Variants in TAFA1 observed in about 807,000 individuals in gnomAD.
TAFA1 encodes the protein TAFA chemokine like family member 1.
A neutral mutation model predicts 18.5 loss-of-function variants in TAFA1; 4 were observed. That is an observed-to-expected ratio of 0.22 (90% CI 0.11 to 0.49). The LOEUF (loss-of-function observed/expected upper bound fraction) is 0.49. Ranked by LOEUF, TAFA1 falls within the 20% of genes least tolerant of loss-of-function variation. The probability of loss-of-function intolerance (pLI) is 0.98; values close to 1 mark genes in which losing one functional copy is unlikely to be tolerated. For missense variants in TAFA1, 147 were observed against 169.0 expected (o/e 0.87, Z 0.72); for synonymous variants, 56 against 55.2 (o/e 1.01, Z -0.06).
chr3:68,370,470 G>GTGTGTATATATATATATATATA (rs2069675443), intron 2 of TAFA1, among the ~76,000 whole-genome samples: 1 of 31,172 alleles, frequency 3.2e-5, no homozygotes, highest in Non-Finnish European at 6.2e-5. Context: ...GTGTGTGTGT[G>GTGTGTATATATATATATATATA]TGTATATATA....
chr3:68,224,855 C>A (rs1040139505), intron 2 of TAFA1, among the ~76,000 whole-genome samples: 2 of 150,506 alleles, frequency 1.3e-5, no homozygotes, highest in African/African-American at 2.4e-5. Context: ...GTGATTGCCT[C>A]CCTTGCTGTT....
intron 3 of TAFA1, among the ~76,000 whole-genome samples, chr3:68,460,771 G>A (rs1575887735): frequency 6.6e-6 from 1 of 152,308 alleles, no homozygotes; most frequent in South Asian, 2.1e-4. Flanking sequence ...CCTGGGCTAG[G>A]GCCCAGTAAT....
intron 2 of TAFA1, among the ~76,000 whole-genome samples, chr3:68,301,387 A>G (rs758596008): frequency 2.6e-5 from 4 of 152,154 alleles, no homozygotes; most frequent in Non-Finnish European, 5.9e-5. Context: ...GGTGCATAGT[A>G]TCCTGTTATA....
chr3:68,152,778 G>A (rs1479605699), intron 2 of TAFA1, among the ~76,000 whole-genome samples: 2 of 152,094 alleles, frequency 1.3e-5, no homozygotes, highest in African/African-American at 4.8e-5. Flanking sequence ...ATTCTGCCAG[G>A]TTTAAATTCC....
At chr3:68,316,119 G>T (rs1331782130) in intron 2 of TAFA1, among the ~76,000 whole-genome samples, 1 of 152,158 alleles carries the variant, frequency 6.6e-6, no homozygotes, top group Non-Finnish European at 1.5e-5. Context: ...TTAAATGAGG[G>T]ATTCACTGGC....
chr3:68,349,255 G>C (rs2069220884), intron 2 of TAFA1, among the ~76,000 whole-genome samples: 1 of 151,794 alleles, frequency 6.6e-6, no homozygotes, highest in South Asian at 2.1e-4. Context: ...CAAATTCAAA[G>C]TTATCTGCAC....
intron 2 of TAFA1, among the ~76,000 whole-genome samples, chr3:68,381,398 A>G (rs1378566906): frequency 2.0e-5 from 3 of 151,970 alleles, no homozygotes; most frequent in Non-Finnish European, 2.9e-5. Flanking sequence ...CTTCCTACCC[A>G]TGAGCATGGA....
intron 2 of TAFA1, among the ~76,000 whole-genome samples, chr3:68,333,613 AC>A (rs1422911369): frequency 6.6e-6 from 1 of 152,186 alleles, no homozygotes; most frequent in African/African-American, 2.4e-5. Flanking sequence ...GTACCCCTGA[AC>A]CTAAAATAAC....
chr3:68,022,223 T>C (rs911568914), intron 2 of TAFA1, among the ~76,000 whole-genome samples: 1 of 152,202 alleles, frequency 6.6e-6, no homozygotes, highest in Non-Finnish European at 1.5e-5. Flanking sequence ...GAATAAGATC[T>C]GGTGTAAAGT....
intron 2 of TAFA1, among the ~76,000 whole-genome samples, chr3:68,262,307 G>GTATA (rs763753757): frequency 9.6e-4 from 31 of 32,244 alleles, no homozygotes; most frequent in East Asian, 2.7e-3. Context: ...GATATGGAGG[G>GTATA]TATATATATA....
At chr3:68,111,302 A>G (rs2065259736) in intron 2 of TAFA1, among the ~76,000 whole-genome samples, 1 of 152,162 alleles carries the variant, frequency 6.6e-6, no homozygotes, top group Non-Finnish European at 1.5e-5. Flanking sequence ...CAATGTTCCA[A>G]AAGAAAGAAA....
chr3:68,091,640 G>T (rs1228461752), intron 2 of TAFA1, among the ~76,000 whole-genome samples: 2 of 152,018 alleles, frequency 1.3e-5, no homozygotes, highest in Non-Finnish European at 2.9e-5. Flanking sequence ...CATTAATTTT[G>T]ATAAACCACT....
At chr3:68,182,620 C>T (rs6806747) in intron 2 of TAFA1, among the ~76,000 whole-genome samples, 103,310 of 152,060 alleles carry the variant, frequency 0.68, 35,493 homozygotes, top group South Asian at 0.78. Context: ...TCCAACACCC[C>T]TTTAAAGTAC....
At chr3:68,370,804 T>C (rs892167475) in intron 2 of TAFA1, among the ~76,000 whole-genome samples, 7 of 147,228 alleles carry the variant, frequency 4.8e-5, no homozygotes, top group Non-Finnish European at 7.5e-5. Context: ...TTTTTAATTG[T>C]CTGGACTCAT....
At chr3:67,992,703 C>A in the TAFA1 span, among the ~76,000 whole-genome samples, 6 of 152,122 alleles carry the variant, frequency 3.9e-5, no homozygotes, top group Admixed American at 6.5e-5. Context: ...GAAGGCAAAC[C>A]ATAGTCTGTA....
chr3:68,107,628 C>T (rs769751120), intron 2 of TAFA1, among the ~76,000 whole-genome samples: 9 of 152,110 alleles, frequency 5.9e-5, no homozygotes, highest in Non-Finnish European at 1.0e-4. Flanking sequence ...TCTGAACTGT[C>T]AAGCGAGCTA....
At chr3:68,071,227 G>A (rs2064750798) in intron 2 of TAFA1, among the ~76,000 whole-genome samples, 2 of 152,256 alleles carry the variant, frequency 1.3e-5, no homozygotes, top group African/African-American at 4.8e-5. Flanking sequence ...AGAAGCCAAG[G>A]AGGAGGAAGT....
At chr3:68,498,027 C>G (rs1277634235) in intron 3 of TAFA1, among the ~76,000 whole-genome samples, 1 of 152,178 alleles carries the variant, frequency 6.6e-6, no homozygotes, top group Non-Finnish European at 1.5e-5. Context: ...ATTACTAACT[C>G]TTTGCTTGAT....
At chr3:68,399,035 T>G (rs773045020) in intron 2 of TAFA1, among the ~76,000 whole-genome samples, 21 of 152,178 alleles carry the variant, frequency 1.4e-4, no homozygotes, top group Non-Finnish European at 2.6e-4. Context: ...ATCAATATTT[T>G]TTGGCCATAA....
Sources: allele counts gnomAD v4.1 joint callset (sites outside exome capture counted in the v4.1 genomes callset), GRCh38; gene constraint gnomAD v4.1.1; transcripts MANE v1.5; gene names NCBI Gene and HGNC (gene_info 2026-07-23, HGNC 2026-07-21).